The following SMARCAD1 variants were observed in gnomAD, a reference collection of about 807,000 sequenced individuals.
The protein encoded by SMARCAD1 is SNF2 related chromatin remodeling ATPase with DExD box 1.
SMARCAD1 carries 25 observed loss-of-function variants against 127.1 expected under a neutral mutation model. The observed-to-expected ratio is 0.20, with a 90% CI of 0.14 to 0.27. The LOEUF is 0.27. Among genes scored for constraint, SMARCAD1 ranks in the 10% least tolerant of loss-of-function variants. The pLI, the probability that SMARCAD1 is intolerant of heterozygous loss-of-function variation, is 1.00. For synonymous variants in SMARCAD1, 400 were observed against 396.9 expected, an observed-to-expected ratio of 1.01 and a Z score of -0.09; for missense variants, 807 against 1,206.0, an observed-to-expected ratio of 0.67 and a Z score of 4.90.
intron 8 of SMARCAD1, among the ~76,000 whole-genome samples, chr4:94,251,869 T>A (rs1176212425): frequency 1.3e-5 from 2 of 152,190 alleles, no homozygotes; most frequent in East Asian, 3.8e-4. Flanking sequence ...TTATTTTTTT[T>A]GAGACGGAGT....
chr4:94,219,143 T>C (rs1195184635), intron 2 of SMARCAD1, among the ~76,000 whole-genome samples: 1 of 152,148 alleles, frequency 6.6e-6, no homozygotes, highest in African/African-American at 2.4e-5. Flanking sequence ...AGGGCAAATA[T>C]ATGATGTGTT....
At chr4:94,287,198 A>T (rs1019242769) in intron 23 of SMARCAD1, among the ~76,000 whole-genome samples, 3 of 151,774 alleles carry the variant, frequency 2.0e-5, no homozygotes, top group Non-Finnish European at 2.9e-5. Flanking sequence ...TGTGTATTTT[A>T]TTTGCTAGAA....
At chr4:94,273,212 G>A (rs1026002824) in intron 11 of SMARCAD1, among the ~76,000 whole-genome samples, 1 of 152,186 alleles carries the variant, frequency 6.6e-6, no homozygotes, top group African/African-American at 2.4e-5. Flanking sequence ...ATATTCTTAA[G>A]GGTAGAATTG....
At chr4:94,245,448 A>G (rs537078083) in intron 6 of SMARCAD1, among the ~76,000 whole-genome samples, 2 of 152,320 alleles carry the variant, frequency 1.3e-5, no homozygotes, top group African/African-American at 4.8e-5. Context: ...ATCCGGATGA[A>G]TTTGGAACCG....
At chr4:94,214,922 T>C (rs560447975) in intron 2 of SMARCAD1, among the ~76,000 whole-genome samples, 1 of 152,264 alleles carries the variant, frequency 6.6e-6, no homozygotes, top group African/African-American at 2.4e-5. Flanking sequence ...ACTATACCAG[T>C]CGTCAGAAAG....
chr4:94,249,783 C>A (rs2125911111), intron 7 of SMARCAD1, 28 bp downstream of exon 7: 3 of 1,215,054 alleles, frequency 2.5e-6, no homozygotes, highest in South Asian at 1.2e-5. Context: ...AAAATTTAAT[C>A]AGTGTGTACT....
chr4:94,277,753 T>G (rs2125992129), intron 16 of SMARCAD1, among the ~76,000 whole-genome samples: 1 of 152,310 alleles, frequency 6.6e-6, no homozygotes, highest in East Asian at 1.9e-4. Flanking sequence ...ATCACTAATC[T>G]TTTGCAAGAA....
chr4:94,271,378 T>C lies in SMARCAD1; in HGVS notation c.1572+560T>C, dbSNP rs767060148. Among the ~76,000 whole-genome samples, 77 of 152,220 alleles carry C rather than the reference T, an allele frequency of 5.1e-4. 1 individual carries two copies. Among genetic ancestry groups the C allele is most frequent in the Admixed American group, 4.0e-3 (61 of 15,286 alleles). On this transcript the variant is annotated intron_variant, in intron 11 of 23. Coordinates refer to ENST00000354268, the MANE Select transcript of SMARCAD1 (RefSeq NM_020159.5). ...AAAGCTGAGTTCACAAAGTTTGTTATAGCCAGTAGTCCAGGTGTTGTCATA... is the reference window on the plus strand; with the variant it reads ...AAAGCTGAGTTCACAAAGTTTGTTACAGCCAGTAGTCCAGGTGTTGTCATA...
intron 9 of SMARCAD1, among the ~76,000 whole-genome samples, chr4:94,257,123 T>G (rs935273225): frequency 5.9e-5 from 9 of 152,216 alleles, no homozygotes; most frequent in African/African-American, 1.9e-4. Context: ...AATGAAGAGA[T>G]ATGATTGGGG....
At chr4:94,267,329 A>G (rs1751874358) in intron 10 of SMARCAD1, among the ~76,000 whole-genome samples, 1 of 152,184 alleles carries the variant, frequency 6.6e-6, no homozygotes, top group African/African-American at 2.4e-5. Flanking sequence ...TTCTGTCACT[A>G]CAGACTAATA....
chr4:94,240,979 A>G lies in SMARCAD1; in HGVS notation c.678A>G (p.Gln226=). The G allele has an allele frequency of 6.2e-7, 1 of 1,612,460 alleles. No individual in the cohort carries two copies. Among genetic ancestry groups the G allele is most frequent in the Non-Finnish European group, 8.5e-7 (1 of 1,178,898 alleles). The change falls in exon 6 of 24, where the codon CAA becomes CAG. Residue 226 remains glutamine (Q), a synonymous_variant. Coordinates refer to ENST00000354268, the MANE Select transcript of SMARCAD1 (RefSeq NM_020159.5). ...PYEEDEFNDD[Q]SIKKTRLDHG... The stretch of plus-strand genomic sequence containing the variant: ...AGGAAGATGAATTTAATGATGATCA[A>G]TCTATAAAAAAGACAAGACTGGATC...
chr4:94,208,618 A>C, intron 2 of SMARCAD1, 34 bp downstream of exon 2: 1 of 1,591,912 alleles, frequency 6.3e-7, no homozygotes, highest in Non-Finnish European at 8.6e-7. Context: ...TGTAACATCA[A>C]GGACAGTTTT....
At chr4:94,224,253 G>A (rs1744656515) in intron 2 of SMARCAD1, among the ~76,000 whole-genome samples, 1 of 152,132 alleles carries the variant, frequency 6.6e-6, no homozygotes, top group African/African-American at 2.4e-5. Context: ...TTGTTCCTAG[G>A]ACTGCATTGT....
intron 3 of SMARCAD1, among the ~76,000 whole-genome samples, chr4:94,231,644 A>G (rs373692984): frequency 6.6e-6 from 1 of 152,110 alleles, no homozygotes; most frequent in East Asian, 1.9e-4. Flanking sequence ...AATACTGGTT[A>G]TGTATCTGCC....
intron 10 of SMARCAD1, among the ~76,000 whole-genome samples, chr4:94,267,111 A>G: frequency 6.6e-6 from 1 of 152,072 alleles, no homozygotes; most frequent in East Asian, 1.9e-4. Context: ...AGAATACAAT[A>G]TATTTAATCA....
chr4:94,228,784 A>T (rs1745397158), intron 3 of SMARCAD1, among the ~76,000 whole-genome samples: 1 of 149,948 alleles, frequency 6.7e-6, no homozygotes, highest in East Asian at 1.9e-4. Context: ...CTTTATGGTA[A>T]TTTTTTTTTT....
intron 10 of SMARCAD1, 93 bp from the exon 11 acceptor site, chr4:94,270,635 C>A: frequency 2.9e-6 from 3 of 1,020,648 alleles, no homozygotes; most frequent in Non-Finnish European, 4.6e-6. Flanking sequence ...AAGATTAGAC[C>A]TAGGCATTTT....
At chr4:94,259,448 T>G (rs1213702658) in intron 9 of SMARCAD1, among the ~76,000 whole-genome samples, 1 of 152,208 alleles carries the variant, frequency 6.6e-6, no homozygotes. Flanking sequence ...TAGATAGATC[T>G]AAATTCTAAA....
intron 2 of SMARCAD1, among the ~76,000 whole-genome samples, chr4:94,224,309 A>T (rs1744666178): frequency 6.6e-6 from 1 of 152,176 alleles, no homozygotes. Flanking sequence ...TAGAGCAAAT[A>T]GTAGTTGTAT....
Sources: allele counts gnomAD v4.1 joint callset (sites outside exome capture counted in the v4.1 genomes callset), GRCh38; gene constraint gnomAD v4.1.1; transcripts MANE v1.5; gene names NCBI Gene and HGNC (gene_info 2026-07-23, HGNC 2026-07-21).